The following ARMH4 variants were observed in gnomAD, a reference collection of about 807,000 sequenced individuals.
ARMH4 encodes the protein armadillo-like helical domain-containing protein 4.
ARMH4 carries 49 observed loss-of-function variants against 61.9 expected under a neutral mutation model. The observed-to-expected ratio is 0.79, with a 90% confidence interval of 0.63 to 1.00. ARMH4 has a LOEUF of 1.00. Among genes scored for constraint, ARMH4 ranks in the 50% least tolerant of loss-of-function variants. ARMH4 has a pLI of 0.00. For synonymous variants in ARMH4, 368 were observed against 341.5 expected, an observed-to-expected ratio of 1.08 and a Z score of -0.85; for missense variants, 934 against 930.0, an observed-to-expected ratio of 1.00 and a Z score of -0.06.
intron 5 of ARMH4, among the ~76,000 whole-genome samples, chr14:58,047,107 C>T (rs867859236): frequency 6.6e-6 from 1 of 152,198 alleles, no homozygotes. Context: ...CATAGCTAGG[C>T]CTTCCTTGCA....
At chr14:58,052,452 C>T (rs1173843177) in intron 5 of ARMH4, among the ~76,000 whole-genome samples, 1 of 152,214 alleles carries the variant, frequency 6.6e-6, no homozygotes, top group Non-Finnish European at 1.5e-5. Flanking sequence ...GAACTGCCTC[C>T]TGACTTCAGA....
At chr14:58,071,106 G>A (rs546699547) in intron 5 of ARMH4, among the ~76,000 whole-genome samples, 13 of 150,932 alleles carry the variant, frequency 8.6e-5, no homozygotes, top group Non-Finnish European at 1.8e-4. Context: ...GATGAATAAG[G>A]TGAGTGCAGG....
At chr14:58,141,091 GT>G (rs1887533797) in intron 1 of ARMH4, among the ~76,000 whole-genome samples, 1 of 151,982 alleles carries the variant, frequency 6.6e-6, no homozygotes, top group African/African-American at 2.4e-5. Flanking sequence ...TAAAAATCCA[GT>G]TTATTATACT....
At chr14:58,063,245 G>A (rs1884590196) in intron 5 of ARMH4, among the ~76,000 whole-genome samples, 1 of 152,160 alleles carries the variant, frequency 6.6e-6, no homozygotes, top group East Asian at 1.9e-4. Context: ...GTCTGTGTCT[G>A]TGTCAAAATG....
chr14:58,076,625 T>A (rs376668802), intron 5 of ARMH4, among the ~76,000 whole-genome samples: 1 of 152,138 alleles, frequency 6.6e-6, no homozygotes, highest in African/African-American at 2.4e-5. Flanking sequence ...TTTTATTATA[T>A]GTAAATTATA....
chr14:58,047,547 G>A (rs1883984060), intron 5 of ARMH4, among the ~76,000 whole-genome samples: 1 of 152,208 alleles, frequency 6.6e-6, no homozygotes, highest in Non-Finnish European at 1.5e-5. Flanking sequence ...TGGGGTAAAA[G>A]AGGTTAAACT....
At chr14:58,095,317 C>A (rs144868891) in intron 5 of ARMH4, among the ~76,000 whole-genome samples, 1 of 152,298 alleles carries the variant, frequency 6.6e-6, no homozygotes, top group Non-Finnish European at 1.5e-5. Flanking sequence ...CTGTGCACAA[C>A]CCGAGGAGTC....
chr14:58,131,793 T>A, intron 3 of ARMH4, 72 bp from the exon 4 acceptor site: 1 of 1,420,520 alleles, frequency 7.0e-7, no homozygotes, highest in South Asian at 1.2e-5. Context: ...GTGCTTTCAC[T>A]TTTTAGGCAA....
chr14:58,143,936 G>A (rs1293199653), intron 1 of ARMH4, among the ~76,000 whole-genome samples: 3 of 151,848 alleles, frequency 2.0e-5, no homozygotes, highest in African/African-American at 7.3e-5. Context: ...ATCACACCCA[G>A]CTAATTTTTG....
At chr14:58,014,805 A>G (rs543203325) in intron 5 of ARMH4, among the ~76,000 whole-genome samples, 1 of 152,318 alleles carries the variant, frequency 6.6e-6, no homozygotes, top group East Asian at 1.9e-4. Context: ...TAGGGACTAA[A>G]GAGTGAAGAA....
chr14:58,032,319 T>C (rs1006054499), intron 5 of ARMH4, among the ~76,000 whole-genome samples: 11 of 152,154 alleles, frequency 7.2e-5, no homozygotes, highest in Non-Finnish European at 1.3e-4. Context: ...GTTGTTCTCA[T>C]ATATTAGGAG....
At chr14:58,133,528 T>C (rs757470433) in intron 2 of ARMH4, among the ~76,000 whole-genome samples, 187 bp from the exon 3 acceptor site, 1 of 152,168 alleles carries the variant, frequency 6.6e-6, no homozygotes. Context: ...TTTCAGTAGT[T>C]GTGAATCAAT....
chr14:58,049,201 T>C (rs1003632662), intron 5 of ARMH4, among the ~76,000 whole-genome samples: 29 of 143,650 alleles, frequency 2.0e-4, no homozygotes, highest in Non-Finnish European at 3.3e-4. Context: ...ATGGCACCAC[T>C]GCACTCCAGC....
At chr14:58,019,828 A>G (rs1034387072) in intron 5 of ARMH4, among the ~76,000 whole-genome samples, 36 of 152,212 alleles carry the variant, frequency 2.4e-4, no homozygotes, top group African/African-American at 8.4e-4. Flanking sequence ...AAAAAATAAA[A>G]TAACATTTCC....
intron 4 of ARMH4, among the ~76,000 whole-genome samples, chr14:58,107,345 T>C (rs931537480): frequency 1.3e-5 from 2 of 152,220 alleles, no homozygotes; most frequent in Non-Finnish European, 2.9e-5. Flanking sequence ...ATTTTCTGCC[T>C]TTTTGGAATA....
At chr14:58,140,261 G>A (rs1180105050) in intron 1 of ARMH4, among the ~76,000 whole-genome samples, 2 of 116,848 alleles carry the variant, frequency 1.7e-5, no homozygotes, top group African/African-American at 3.6e-5. Context: ...GGCAACAAGA[G>A]CAAAACTCCA....
intron 6 of ARMH4, among the ~76,000 whole-genome samples, chr14:58,005,615 G>A (rs1375556520): frequency 6.6e-6 from 1 of 152,194 alleles, no homozygotes; most frequent in African/African-American, 2.4e-5. Context: ...TAGTGTGTTT[G>A]CTGGGGGCTA....
chr14:58,110,107 A>G (rs2141285625), intron 4 of ARMH4, among the ~76,000 whole-genome samples: 1 of 152,290 alleles, frequency 6.6e-6, no homozygotes, highest in African/African-American at 2.4e-5. Flanking sequence ...TCAAGATGAG[A>G]TTTGGGTGGG....
chr14:58,014,967 G>A (rs997317386), intron 5 of ARMH4, among the ~76,000 whole-genome samples: 3 of 152,208 alleles, frequency 2.0e-5, no homozygotes, highest in Admixed American at 6.5e-5. Context: ...TGAGCACCTA[G>A]TGGAGGAGGC....
Sources: gnomAD v4.1 joint callset for allele counts (sites outside exome capture counted in the v4.1 genomes callset) on GRCh38, gnomAD v4.1.1 for gene constraint, MANE v1.5 for transcripts, NCBI Gene and HGNC (gene_info 2026-07-23, HGNC 2026-07-21) for gene names.